The following PDPR variants were observed in gnomAD, a reference collection of about 807,000 sequenced individuals.
The protein encoded by PDPR is pyruvate dehydrogenase phosphatase regulatory subunit, mitochondrial.
PDPR carries 50 observed loss-of-function variants against 102.2 expected under a neutral mutation model. That is an observed-to-expected ratio of 0.49 (90% confidence interval 0.39 to 0.62). The LOEUF (loss-of-function observed/expected upper bound fraction) is 0.62. PDPR is among the 20% of genes least tolerant of loss of function. The pLI is 0.00. For synonymous variants in PDPR, 259 were observed against 406.0 expected, an observed-to-expected ratio of 0.64 and a Z score of 4.35; for missense variants, 625 against 1,098.2, an observed-to-expected ratio of 0.57 and a Z score of 6.09.
intron 6 of PDPR, among the ~76,000 whole-genome samples, chr16:70,130,089 T>TC (rs1964384741): frequency 6.6e-6 from 1 of 152,228 alleles, no homozygotes; most frequent in African/African-American, 2.4e-5. Flanking sequence ...GGCCAGGAGT[T>TC]CAAGACCAGG....
At chr16:70,122,603 G>T (rs1418400252) in intron 3 of PDPR, among the ~76,000 whole-genome samples, 14 of 152,256 alleles carry the variant, frequency 9.2e-5, no homozygotes, top group African/African-American at 3.1e-4. Context: ...TTCTCCCCTT[G>T]TAATGGGCCA....
rs568060241 is a variant in PDPR, at chr16:70,159,230, A to G, written c.*2351A>G. 1 of 152,494 alleles carries G rather than the reference A, an allele frequency of 6.6e-6. No homozygotes were observed. Among genetic ancestry groups the G allele is most frequent in the South Asian group, 2.1e-4 (1 of 4,834 alleles). 9.4% of individuals were successfully genotyped at this position (152,494 alleles called of 1,614,324 possible). A position where few individuals can be genotyped will look rare whatever the true frequency, so the allele number is the denominator to read the frequency against. On this transcript the variant is annotated 3_prime_UTR_variant, in exon 19 of 19. Transcript: ENST00000288050. ...GCTGTCCTTTGTAAGAAGTCAGGAA[A>G]TCTGATGCTGTGTCCAAAATTATGC...
chr16:70,128,223 C>CTTT (rs5817688), intron 4 of PDPR, among the ~76,000 whole-genome samples: 7 of 149,376 alleles, frequency 4.7e-5, no homozygotes, highest in African/African-American at 1.7e-4. Context: ...CCAAAACTGT[C>CTTT]TTTTTTTTTT....
chr16:70,159,649 C>G lies in PDPR; in HGVS notation c.*2770C>G, dbSNP rs1489024053. The G allele has an allele frequency of 1.3e-5, 2 of 152,944 alleles. No homozygotes were observed. Among genetic ancestry groups the G allele is most frequent in the Non-Finnish European group, 2.9e-5 (2 of 68,562 alleles). 9.5% of individuals were successfully genotyped at this position (152,944 alleles called of 1,614,324 possible). ...TGCTTCTGGCATAACTGCTTTGCCT[C>G]TGTCTAGTGTCCAAGCATCTTAGCT... On this transcript the variant is annotated 3_prime_UTR_variant, in exon 19 of 19. Transcript: ENST00000288050.
intron 13 of PDPR, 64 bp from the exon 14 acceptor site, chr16:70,143,446 G>A: frequency 1.9e-6 from 3 of 1,577,752 alleles, no homozygotes; most frequent in Non-Finnish European, 2.6e-6. Context: ...TTGCTGGTGG[G>A]GCCATGTGGC....
At chr16:70,155,417 AAGCCATCC>A (rs1247526799) in intron 18 of PDPR, among the ~76,000 whole-genome samples, 3 of 152,236 alleles carry the variant, frequency 2.0e-5, no homozygotes, top group Admixed American at 6.5e-5. Flanking sequence ...GAGTAGCTGT[AAGCCATCC>A]AGCTAATTTT....
chr16:70,156,497 A>T lies in PDPR; in HGVS notation c.2258A>T (p.Asp753Val). 1 of 1,613,750 alleles carries T rather than the reference A, an allele frequency of 6.2e-7. No individual in the cohort carries two copies. The highest frequency in any genetic ancestry group is 8.5e-7 in the Non-Finnish European group (1 of 1,179,694). Residue 753 changes from aspartate (D) to valine (V), a missense_variant, in exon 19 of 19, where the codon GAC (aspartate) becomes GTC (valine). By Grantham distance (152) the Asp-to-Val change is radical. Around this residue, in one of 11 missense-constraint regions of PDPR, gnomAD observed 303 missense variants for 258.9 expected, o/e 1.17. Transcript: ENST00000288050. The part of the protein sequence containing the change: ...LEKGMDFIGR[D>V]ALLQQKQNGV... ...TAGGGCATGGATTTCATTGGTCGCG[A>T]CGCCCTCCTGCAGCAGAAGCAGAAT...
At chr16:70,152,072 A>G (rs1966779432) in intron 17 of PDPR, among the ~76,000 whole-genome samples, 1 of 152,266 alleles carries the variant, frequency 6.6e-6, no homozygotes, top group Non-Finnish European at 1.5e-5. Context: ...GTGGGAGAGT[A>G]CCACATTCCC....
At chr16:70,122,455 AC>A (rs1567520770) in intron 3 of PDPR, among the ~76,000 whole-genome samples, 2 of 152,408 alleles carry the variant, frequency 1.3e-5, no homozygotes, top group East Asian at 3.9e-4. Context: ...CAGTAAGACC[AC>A]AGAAATTAGG....
chr16:70,153,706 G>T lies in PDPR; in HGVS notation c.2235+133G>T, dbSNP rs1214025254. The T allele has an allele frequency of 3.1e-6, 3 of 956,056 alleles. No individual in the cohort carries two copies. The East Asian group carries it at 8.2e-5, about 26-fold the overall frequency. The allele number at this position is 956,056 out of a possible 1,614,324, so 59.2% of individuals were successfully genotyped here. A position where few individuals can be genotyped will look rare whatever the true frequency, so the allele number is the denominator to read the frequency against. ...GCCTTGATGTTAGCATCAGGTAAAT[G>T]AGGACAAGAGTGCCCTGAGAATGAA... On this transcript the variant is annotated intron_variant, in intron 18 of 18. Coordinates refer to ENST00000288050, the MANE Select transcript of PDPR (RefSeq NM_017990.5).
At position 70,156,751 on chromosome 16, in the gene PDPR, G is replaced by C. The variant is rs759136755; in HGVS notation, c.2512G>C (p.Gly838Arg). Residue 838 changes from glycine to arginine, a missense_variant, in exon 19 of 19, where the codon GGA becomes CGA. Transcript: ENST00000288050. ...GGTGACAGCAGATTTCATCAACCGG[G>C]GAGAGTATGAGATTGACATCGCGGG... ...QVVTADFINR[G>R]EYEIDIAGYR... The C allele has an allele frequency of 6.2e-7, 1 of 1,614,112 alleles. No homozygotes were observed. The highest frequency in any genetic ancestry group is 8.5e-7 in the Non-Finnish European group (1 of 1,179,914).
rs1967550618 is a variant in PDPR, at chr16:70,159,338, C to G, written c.*2459C>G. 6.6e-6 allele frequency: 1 copy of G among 152,536 alleles called. No homozygotes were observed. The highest frequency in any genetic ancestry group is 2.4e-5 in the African/African-American group (1 of 41,476). 9.4% of individuals were successfully genotyped at this position (152,536 alleles called of 1,614,324 possible). A position where few individuals can be genotyped will look rare whatever the true frequency, so the allele number is the denominator to read the frequency against. ...CCCCTCTGAGCAACAGACTGCTTGTCTTGCTAGGAGAGGAGGATGGGGGGC... is the reference window on the plus strand; with the variant it reads ...CCCCTCTGAGCAACAGACTGCTTGTGTTGCTAGGAGAGGAGGATGGGGGGC... On this transcript the variant is annotated 3_prime_UTR_variant, in exon 19 of 19. Transcript: ENST00000288050.
chr16:70,125,545 TGC>T (rs1199882567), intron 3 of PDPR, among the ~76,000 whole-genome samples: 1 of 117,206 alleles, frequency 8.5e-6, no homozygotes, highest in East Asian at 2.5e-4. Flanking sequence ...CAAGGGAAAC[TGC>T]GTCTCAAAAA....
intron 9 of PDPR, among the ~76,000 whole-genome samples, chr16:70,135,340 G>A (rs137931105): frequency 1.6e-3 from 236 of 151,900 alleles, no homozygotes; most frequent in African/African-American, 5.4e-3. Context: ...AGATTCAAGC[G>A]ATTTTTCTGC....
chr16:70,142,048 C>T (rs1232871568), intron 11 of PDPR, among the ~76,000 whole-genome samples, 186 bp from the exon 12 acceptor site: 3 of 152,144 alleles, frequency 2.0e-5, no homozygotes, highest in African/African-American at 7.2e-5. Context: ...TGCAGTAAGC[C>T]GAGATTGTGC....
rs779133868 is a variant in PDPR at position 70,156,500 on chromosome 16, C to G, written c.2261C>G (p.Ala754Gly). Reference protein sequence around the residue: ...EKGMDFIGRDALLQQKQNGVY... With the variant: ...EKGMDFIGRDGLLQQKQNGVY... Reference sequence around the variant, plus strand: ...GGCATGGATTTCATTGGTCGCGACGCCCTCCTGCAGCAGAAGCAGAATGGA... The same window carrying G: ...GGCATGGATTTCATTGGTCGCGACGGCCTCCTGCAGCAGAAGCAGAATGGA... The change falls in exon 19 of 19, where the codon GCC becomes GGC. Residue 754 changes from alanine (A) to glycine (G), a missense_variant. Around this residue, in one of 11 missense-constraint regions of PDPR, gnomAD observed 303 missense variants for 258.9 expected, o/e 1.17. Transcript: ENST00000288050. The G allele has an allele frequency of 1.2e-6, 2 of 1,613,912 alleles. No homozygotes were observed. Among genetic ancestry groups the G allele is most frequent in the South Asian group, 2.2e-5 (2 of 91,086 alleles).
chr16:70,115,839 C>T lies in PDPR; in HGVS notation c.-33+909C>T, dbSNP rs1465164487. Among the ~76,000 whole-genome samples, 6 of 152,176 alleles carry T rather than the reference C, an allele frequency of 3.9e-5. No homozygotes were observed. In the South Asian group the frequency reaches 1.0e-3, roughly 26 times the overall value. On this transcript the variant is annotated intron_variant, in intron 2 of 18. Transcript: ENST00000288050. Reference sequence around the variant, plus strand: ...CATTTGTTTTAAACCAGATGATGTGCTTCATTTCTGTCTTTGACGTCTTCA... The same window carrying T: ...CATTTGTTTTAAACCAGATGATGTGTTTCATTTCTGTCTTTGACGTCTTCA...
intron 15 of PDPR, among the ~76,000 whole-genome samples, chr16:70,144,947 A>G (rs1277006050): frequency 7.3e-6 from 1 of 136,476 alleles, no homozygotes. Flanking sequence ...GTGAGACTCC[A>G]TCTCAAAAAA....
chr16:70,126,932 C>T (rs1964037317), intron 3 of PDPR, among the ~76,000 whole-genome samples: 1 of 152,258 alleles, frequency 6.6e-6, no homozygotes, highest in South Asian at 2.1e-4. Context: ...GCAACCTCTA[C>T]CTTTTGAACT....
Sources: allele counts gnomAD v4.1 joint callset (sites outside exome capture counted in the v4.1 genomes callset), GRCh38; gene constraint gnomAD v4.1.1; regional missense constraint gnomAD v4.1.1; transcripts MANE v1.5; gene names NCBI Gene and HGNC (gene_info 2026-07-23, HGNC 2026-07-21).